Variants in LRPAP1 observed in about 807,000 individuals in gnomAD.
The protein encoded by LRPAP1 is LDL receptor related protein associated protein 1.
A neutral mutation model predicts 39.9 loss-of-function variants in LRPAP1; 41 were observed. The ratio of observed to expected loss-of-function variants is 1.03; its 90% CI spans 0.80 to 1.33. The LOEUF (loss-of-function observed/expected upper bound fraction) is 1.33. Ranked by LOEUF, LRPAP1 falls within the 40% of genes most tolerant of loss-of-function variation. The probability of loss-of-function intolerance (pLI) is 0.00; values close to 1 mark genes in which losing one functional copy is unlikely to be tolerated. For synonymous variants in LRPAP1, 263 were observed against 212.7 expected, an observed-to-expected ratio of 1.24 and a Z score of -2.06; for missense variants, 565 against 482.3, an observed-to-expected ratio of 1.17 and a Z score of -1.61.
Position 3,508,842 on chromosome 4 carries a change from T to C in LRPAP1, c.*4132A>G, listed in dbSNP as rs897754250. ...ACTGAGCCGGGAGAGACTGAGCCCA[T>C]GTTCACCGAGACTGGGAATAAGATT... On this transcript the variant is annotated 3_prime_UTR_variant, in exon 8 of 8. Coordinates refer to ENST00000650182, the MANE Select transcript of LRPAP1 (RefSeq NM_002337.4). The C allele has an allele frequency of 6.6e-5, 10 of 151,812 alleles. No homozygotes were observed. The East Asian group carries it at 1.9e-3, about 29-fold the overall frequency. 9.4% of individuals were successfully genotyped at this position (151,812 alleles called of 1,614,324 possible). A position where few individuals can be genotyped will look rare whatever the true frequency, so the allele number is the denominator to read the frequency against.
At position 3,505,770 on chromosome 4, in the gene LRPAP1, G is replaced by A. The variant is rs1474853757; in HGVS notation, c.*7204C>T. ...CCAAGACCGTCTATACCACCACCCT[G>A]GATTACAACTCGGCAAGATGCTGGG... On this transcript the variant is annotated 3_prime_UTR_variant, in exon 8 of 8. Transcript: ENST00000650182. 6.6e-6 allele frequency among the ~76,000 whole-genome samples: 1 copy of A among 152,234 alleles called. No homozygotes were observed. The highest frequency in any genetic ancestry group is 1.9e-4 in the East Asian group (1 of 5,198).
rs957326795 is a variant in LRPAP1, at chr4:3,504,994, G to A, written c.*7980C>T. Among the ~76,000 whole-genome samples, 3 of 152,164 alleles carry A rather than the reference G, an allele frequency of 2.0e-5. No homozygotes were observed. Among genetic ancestry groups the A allele is most frequent in the African/African-American group, 7.2e-5 (3 of 41,434 alleles). On this transcript the variant is annotated 3_prime_UTR_variant, in exon 8 of 8. Coordinates refer to ENST00000650182, the MANE Select transcript of LRPAP1 (RefSeq NM_002337.4). ...AACAGAAGACAACATGACCCCACAA[G>A]TGAACCAGAGGGAAAGACAGGAACA...
At chr4:3,515,707 C>A (rs899904502) in intron 6 of LRPAP1, among the ~76,000 whole-genome samples, 2 of 152,148 alleles carry the variant, frequency 1.3e-5, no homozygotes, top group South Asian at 2.1e-4. Context: ...GCCCCAGGAG[C>A]CCCTGCCACC....
Position 3,503,747 on chromosome 4 carries a change from A to G in LRPAP1, c.*9227T>C, listed in dbSNP as rs1560245502. 3.9e-5 allele frequency: 6 copies of G among 152,288 alleles called. No individual in the cohort carries two copies. The South Asian group carries it at 1.2e-3, about 31-fold the overall frequency. 9.4% of individuals were successfully genotyped at this position (152,288 alleles called of 1,614,324 possible). On this transcript the variant is annotated 3_prime_UTR_variant, in exon 8 of 8. Transcript: ENST00000650182. ...CGCTTGTTTCACAAAACAACAGCAG[A>G]CAACAGAGATTTCCAACTCCAGCAA...
chr4:3,513,475 T>C (rs1400226387), intron 7 of LRPAP1, among the ~76,000 whole-genome samples: 1 of 152,064 alleles, frequency 6.6e-6, no homozygotes, highest in East Asian at 1.9e-4. Context: ...GCCCGGCTAA[T>C]TTTTTCTACT....
rs1162100375 is a variant in LRPAP1, at chr4:3,532,400, T to G, written c.13A>C (p.Arg5=). 3 of 1,575,350 alleles carry G rather than the reference T, an allele frequency of 1.9e-6. No individual in the cohort carries two copies. Among genetic ancestry groups the G allele is most frequent in the Non-Finnish European group, 2.6e-6 (3 of 1,162,092 alleles). MAPR[R]VRSFLRGLPA... is the part of the protein sequence containing the mutation. ...AGCCCGCGCAGAAACGACCTGACCCTCCGCGGCGCCATCTTCCTCTGCGAC... is the reference window on the plus strand; with the variant it reads ...AGCCCGCGCAGAAACGACCTGACCCGCCGCGGCGCCATCTTCCTCTGCGAC... The change falls in exon 1 of 8, where the codon AGG becomes CGG. Residue 5 remains arginine, a synonymous_variant. Transcript: ENST00000650182.
chr4:3,517,889 CG>C (rs1560255446), intron 5 of LRPAP1, 144 bp downstream of exon 5: 1 of 1,006,018 alleles, frequency 9.9e-7, no homozygotes, highest in African/African-American at 1.6e-5. Flanking sequence ...TGTGACCACC[CG>C]TGGGTAGACT....
At chr4:3,529,999 C>A (rs530250346) in intron 1 of LRPAP1, among the ~76,000 whole-genome samples, 2 of 152,152 alleles carry the variant, frequency 1.3e-5, no homozygotes, top group Admixed American at 1.3e-4. Context: ...AAAAAGCAGC[C>A]CTCACCTCAA....
chr4:3,526,556 C>T lies in LRPAP1; in HGVS notation c.205-1505G>A, dbSNP rs548780335. 3.9e-5 allele frequency among the ~76,000 whole-genome samples: 6 copies of T among 152,374 alleles called. 1 individual carries two copies. The highest frequency in any genetic ancestry group is 4.1e-4 in the South Asian group (2 of 4,830). ...AGAGCCGGCTGCCTTCCCAGTGTCC[C>T]GCAGCCCGCGCCGCCTTGTGGCCCA... On this transcript the variant is annotated intron_variant, in intron 1 of 7. Coordinates refer to ENST00000650182, the MANE Select transcript of LRPAP1 (RefSeq NM_002337.4).
intron 1 of LRPAP1, among the ~76,000 whole-genome samples, chr4:3,529,091 G>A (rs1271850734): frequency 6.6e-6 from 1 of 152,160 alleles, no homozygotes; most frequent in Non-Finnish European, 1.5e-5. Flanking sequence ...AGGAGGCAGA[G>A]GCGGGAGGAT....
intron 1 of LRPAP1, 40 bp downstream of exon 1, chr4:3,532,169 G>C (rs759003754): frequency 6.7e-7 from 1 of 1,501,224 alleles, no homozygotes; most frequent in Non-Finnish European, 9.0e-7. Flanking sequence ...CACGGCCCCC[G>C]CCCCCAGGCC....
chr4:3,503,735 AAAC>A lies in LRPAP1; in HGVS notation c.*9236_*9238del, dbSNP rs1257702331. On this transcript the variant is annotated 3_prime_UTR_variant, in exon 8 of 8. Coordinates refer to ENST00000650182, the MANE Select transcript of LRPAP1 (RefSeq NM_002337.4). ...TATAACCTCACGCGCTTGTTTCACAAAACAACAGCAGACAACAGAGATTTCCAA... is the reference window on the plus strand; with the variant it reads ...TATAACCTCACGCGCTTGTTTCACAAAACAGCAGACAACAGAGATTTCCAA... 2 of 152,272 alleles carry A rather than the reference AAAC, an allele frequency of 1.3e-5. No homozygotes were observed. The highest frequency in any genetic ancestry group is 2.9e-5 in the Non-Finnish European group (2 of 68,058). 9.4% of individuals were successfully genotyped at this position (152,272 alleles called of 1,614,324 possible).
intron 2 of LRPAP1, among the ~76,000 whole-genome samples, chr4:3,523,117 G>T (rs1475416993): frequency 6.6e-6 from 1 of 152,148 alleles, no homozygotes; most frequent in Non-Finnish European, 1.5e-5. Flanking sequence ...CTCCACTTGG[G>T]CCACAGACCT....
At chr4:3,515,756 G>C (rs3135165) in intron 6 of LRPAP1, 59,015 of 277,058 alleles carry the variant, frequency 0.21, 7,506 homozygotes, top group East Asian at 0.51. Flanking sequence ...TCCATCTCAG[G>C]AAGTGGTGAC....
At position 3,518,033 on chromosome 4, in the gene LRPAP1, C is replaced by G; in HGVS notation, c.751+1G>C. The G allele has an allele frequency of 6.2e-7, 1 of 1,601,498 alleles. No homozygotes were observed. Among genetic ancestry groups the G allele is most frequent in the Non-Finnish European group, 8.5e-7 (1 of 1,174,580 alleles). On this transcript the variant is annotated splice_donor_variant, in intron 5 of 7. Coordinates refer to ENST00000650182, the MANE Select transcript of LRPAP1 (RefSeq NM_002337.4). LOFTEE classifies it high-confidence loss of function. ...ACCAACAGTCCCGGGCGGGCACTCA[C>G]CAGCCTCAGTGCTGTAGCCCTGGTG...
intron 2 of LRPAP1, among the ~76,000 whole-genome samples, chr4:3,521,198 G>T (rs923848257): frequency 6.6e-6 from 1 of 152,196 alleles, no homozygotes; most frequent in Non-Finnish European, 1.5e-5. Context: ...GGGGCTGGGG[G>T]AATTCTCCCA....
rs11723071 is a variant in LRPAP1 at position 3,504,120 on chromosome 4, C to A, written c.*8854G>T. The A allele has an allele frequency of 0.18, 28,009 of 152,322 alleles. 2,753 individuals are homozygous for A. Among genetic ancestry groups the A allele is most frequent in the South Asian group, 0.31 (1,502 of 4,832 alleles). The allele number at this position is 152,322 out of a possible 1,614,324, so 9.4% of individuals were successfully genotyped here. A position where few individuals can be genotyped will look rare whatever the true frequency, so the allele number is the denominator to read the frequency against. ...CCCTGAGGGTGAATCGGTACCAACCCCCTCGCCCTATCCTGAATGTGAGCG... is the reference window on the plus strand; with the variant it reads ...CCCTGAGGGTGAATCGGTACCAACCACCTCGCCCTATCCTGAATGTGAGCG... On this transcript the variant is annotated 3_prime_UTR_variant, in exon 8 of 8. Transcript: ENST00000650182.
chr4:3,508,744 A>G lies in LRPAP1; in HGVS notation c.*4230T>C, dbSNP rs931000268. The G allele has an allele frequency of 2.0e-5, 3 of 152,214 alleles. No individual in the cohort carries two copies. Among genetic ancestry groups the G allele is most frequent in the Non-Finnish European group, 2.9e-5 (2 of 68,054 alleles). 9.4% of individuals were successfully genotyped at this position (152,214 alleles called of 1,614,324 possible). A position where few individuals can be genotyped will look rare whatever the true frequency, so the allele number is the denominator to read the frequency against. On this transcript the variant is annotated 3_prime_UTR_variant, in exon 8 of 8. Coordinates refer to ENST00000650182, the MANE Select transcript of LRPAP1 (RefSeq NM_002337.4). ...CAGGAAAGGCAGCTGACCACATTCA[A>G]CACGGATTCAGGAAAAGCCCTCAGC...
intron 5 of LRPAP1, among the ~76,000 whole-genome samples, chr4:3,516,560 C>G (rs1033401003): frequency 6.6e-6 from 1 of 152,226 alleles, no homozygotes; most frequent in African/African-American, 2.4e-5. Context: ...CTGCCAGGAC[C>G]TCGGGTGGGG....
Sources: allele counts gnomAD v4.1 joint callset (sites outside exome capture counted in the v4.1 genomes callset), GRCh38; gene constraint gnomAD v4.1.1; transcripts MANE v1.5; gene names NCBI Gene and HGNC (gene_info 2026-07-23, HGNC 2026-07-21).